HDAC9: variants seen among roughly 807,000 people sequenced by gnomAD.
HDAC9 encodes the protein MEF-2 interacting transcription repressor (MITR) protein.
A neutral mutation model predicts 139.4 loss-of-function variants in HDAC9; 41 were observed. The observed-to-expected ratio is 0.29, with a 90% CI of 0.23 to 0.38. The LOEUF (loss-of-function observed/expected upper bound fraction) is 0.38, where lower values mean the gene tolerates loss of function less well. HDAC9 is among the 10% of genes least tolerant of loss of function. The pLI, the probability that HDAC9 is intolerant of heterozygous loss-of-function variation, is 1.00. For missense variants in HDAC9, 1,147 were observed against 1,297.0 expected (o/e 0.88, Z 1.78); for synonymous variants, 517 against 476.2 (o/e 1.09, Z -1.12).
intron 8 of HDAC9, among the ~76,000 whole-genome samples, chr7:18,644,326 G>A (rs1019790326): frequency 6.6e-5 from 10 of 152,010 alleles, no homozygotes; most frequent in Admixed American, 4.6e-4. Flanking sequence ...TTTTTTCACT[G>A]AGTAATACAA....
At chr7:18,197,455 G>A (rs1456769723) in intron 2 of HDAC9, among the ~76,000 whole-genome samples, 1 of 152,146 alleles carries the variant, frequency 6.6e-6, no homozygotes, top group African/African-American at 2.4e-5. Flanking sequence ...TTAAATTACT[G>A]TAAGCAGCTG....
rs113713423 is a variant in HDAC9, at chr7:18,467,579, T to A, written c.-41-28683T>A. Among the ~76,000 whole-genome samples, 1,508 of 152,314 alleles carry A rather than the reference T, an allele frequency of 9.9e-3. 24 individuals are homozygous for A. Among genetic ancestry groups the A allele is most frequent in the African/African-American group, 0.033 (1,392 of 41,578 alleles). ...ACCGTAACTATAAATGATTGATAAA[T>A]TATGTAACTTCATAAAATAAACATT... On this transcript the variant is annotated intron_variant, in intron 1 of 3. Coordinates refer to the HDAC9 transcript ENST00000413509.
chr7:18,932,862 A>G (rs1418137997), intron 22 of HDAC9, among the ~76,000 whole-genome samples: 1 of 146,734 alleles, frequency 6.8e-6, no homozygotes, highest in Non-Finnish European at 1.5e-5. Flanking sequence ...GAAAGAAAGA[A>G]AGAAAGAAAG....
intron 1 of HDAC9, among the ~76,000 whole-genome samples, chr7:18,358,896 A>G (rs1334356698): frequency 6.6e-6 from 1 of 152,234 alleles, no homozygotes; most frequent in Admixed American, 6.5e-5. Flanking sequence ...ATTTATGCAA[A>G]GTACCTGTCA....
intron 8 of HDAC9, among the ~76,000 whole-genome samples, chr7:18,640,869 A>G (rs535380301): frequency 1.7e-4 from 26 of 152,202 alleles, no homozygotes; most frequent in South Asian, 1.5e-3. Context: ...GCCCTTCAAT[A>G]TATACCATGG....
intron 2 of HDAC9, among the ~76,000 whole-genome samples, chr7:18,218,205 A>G (rs959436649): frequency 1.3e-5 from 2 of 152,110 alleles, no homozygotes; most frequent in Admixed American, 6.6e-5. Context: ...GCAGTTTGGG[A>G]GGCTGAGGTG....
At chr7:18,826,171 C>A (rs1281592826) in intron 17 of HDAC9, among the ~76,000 whole-genome samples, 1 of 152,108 alleles carries the variant, frequency 6.6e-6, no homozygotes, top group Non-Finnish European at 1.5e-5. Flanking sequence ...TGTGTTCTAT[C>A]TTCTCTTTTT....
intron 13 of HDAC9, among the ~76,000 whole-genome samples, chr7:18,747,922 C>G (rs549393008): frequency 1.3e-5 from 2 of 152,230 alleles, no homozygotes; most frequent in South Asian, 4.1e-4. Flanking sequence ...TATTAAACTT[C>G]TTTTACAGCA....
At chr7:18,969,311 A>G (rs995708075) in intron 24 of HDAC9, among the ~76,000 whole-genome samples, 2 of 152,196 alleles carry the variant, frequency 1.3e-5, no homozygotes, top group African/African-American at 4.8e-5. Flanking sequence ...GTATCATCTT[A>G]GTTATAGGAC....
At chr7:18,526,062 A>G (rs992552953) in intron 2 of HDAC9, among the ~76,000 whole-genome samples, 9 of 152,206 alleles carry the variant, frequency 5.9e-5, no homozygotes, top group Admixed American at 3.9e-4. Context: ...TTTTAGGGGT[A>G]CATAAATAAT....
chr7:18,594,934 G>C (rs1832053300), intron 6 of HDAC9, among the ~76,000 whole-genome samples: 1 of 151,936 alleles, frequency 6.6e-6, no homozygotes, highest in South Asian at 2.1e-4. Context: ...AAGAAGTATA[G>C]ATTTATTTGT....
intron 1 of HDAC9, among the ~76,000 whole-genome samples, chr7:18,436,098 G>A (rs1791179070): frequency 1.3e-5 from 2 of 151,826 alleles, no homozygotes; most frequent in African/African-American, 2.4e-5. Context: ...GATTACAGGC[G>A]TGAACAACTG....
At chr7:18,740,545 C>A (rs1317493465) in intron 13 of HDAC9, among the ~76,000 whole-genome samples, 1 of 152,212 alleles carries the variant, frequency 6.6e-6, no homozygotes, top group Non-Finnish European at 1.5e-5. Context: ...GCCCCATCTT[C>A]CTTTCTCTTT....
intron 1 of HDAC9, among the ~76,000 whole-genome samples, chr7:18,146,580 A>G (rs982982329): frequency 1.3e-5 from 2 of 152,196 alleles, no homozygotes; most frequent in Admixed American, 1.3e-4. Context: ...TGGTTTTTTA[A>G]GACATTGAAT....
Position 18,451,256 on chromosome 7 carries a change from G to T in HDAC9, c.-41-45006G>T, listed in dbSNP as rs111649523. On this transcript the variant is annotated intron_variant, in intron 1 of 3. Coordinates refer to the HDAC9 transcript ENST00000413509. Reference sequence around the variant, plus strand: ...TAAATATGCTAGCCCCTCGATTCTGGACTTCCCAGCCCCCAGAACTGTGAG... The same window carrying T: ...TAAATATGCTAGCCCCTCGATTCTGTACTTCCCAGCCCCCAGAACTGTGAG... 7.7e-3 allele frequency among the ~76,000 whole-genome samples: 1,167 copies of T among 152,050 alleles called. 16 individuals carry two copies. Among genetic ancestry groups the T allele is most frequent in the African/African-American group, 0.027 (1,104 of 41,502 alleles).
At chr7:18,704,777 A>T (rs1186340544) in intron 12 of HDAC9, among the ~76,000 whole-genome samples, 1 of 152,234 alleles carries the variant, frequency 6.6e-6, no homozygotes, top group Non-Finnish European at 1.5e-5. Context: ...TTTTAAAAAT[A>T]GGTCACATAG....
intron 2 of HDAC9, among the ~76,000 whole-genome samples, chr7:18,266,994 G>A (rs1464010416): frequency 6.6e-6 from 1 of 151,902 alleles, no homozygotes; most frequent in African/African-American, 2.4e-5. Context: ...ACATATTTAG[G>A]TTTTAACCTG....
chr7:18,964,915 T>C (rs1783750376), intron 24 of HDAC9, among the ~76,000 whole-genome samples: 1 of 152,196 alleles, frequency 6.6e-6, no homozygotes, highest in Non-Finnish European at 1.5e-5. Context: ...CCTAACCATA[T>C]CACTGAGTGA....
At chr7:18,149,855 A>G (rs1428612478) in intron 1 of HDAC9, among the ~76,000 whole-genome samples, 1 of 151,970 alleles carries the variant, frequency 6.6e-6, no homozygotes, top group Non-Finnish European at 1.5e-5. Flanking sequence ...CGCCCAGCCC[A>G]GTTTTTCATT....
Sources: allele counts gnomAD v4.1 joint callset (sites outside exome capture counted in the v4.1 genomes callset), GRCh38; gene constraint gnomAD v4.1.1; transcripts MANE v1.5; gene names NCBI Gene and HGNC (gene_info 2026-07-23, HGNC 2026-07-21).